The following PDE4D variants were observed in gnomAD, a reference collection of about 807,000 sequenced individuals.
The protein encoded by PDE4D is phosphodiesterase 4D.
A neutral mutation model predicts 87.4 loss-of-function variants in PDE4D; 24 were observed. The ratio of observed to expected loss-of-function variants is 0.27; its 90% CI spans 0.20 to 0.39. The LOEUF is 0.39. Ranked by LOEUF, PDE4D falls within the 10% of genes least tolerant of loss-of-function variation. The probability of loss-of-function intolerance (pLI) is 1.00; values close to 1 mark genes in which losing one functional copy is unlikely to be tolerated. For synonymous variants in PDE4D, 384 were observed against 383.2 expected (o/e 1.00, Z -0.02); for missense variants, 714 against 1,041.0 (o/e 0.69, Z 4.32).
chr5:59,673,914 A>G (rs1580329501), intron 1 of PDE4D, among the ~76,000 whole-genome samples: 2 of 152,316 alleles, frequency 1.3e-5, no homozygotes, highest in East Asian at 3.9e-4. Context: ...CGAAATAAAT[A>G]TCTTCACATG....
rs531657419 is a variant in PDE4D, at chr5:59,561,755, A to G, written c.455+331413T>C. ...GACCAGCCTGACCAACATGGCAAAAACCCGTCTCTACTAAAAATTCAAAAA... is the reference window on the plus strand; with the variant it reads ...GACCAGCCTGACCAACATGGCAAAAGCCCGTCTCTACTAAAAATTCAAAAA... On this transcript the variant is annotated intron_variant, in intron 1 of 14. Coordinates refer to ENST00000340635, the MANE Select transcript of PDE4D (RefSeq NM_001104631.2). Among the ~76,000 whole-genome samples the G allele has an allele frequency of 4.0e-5, 6 of 151,840 alleles. No individual in the cohort carries two copies. The South Asian group carries it at 1.3e-3, about 32-fold the overall frequency.
chr5:60,062,535 T>A (rs1276566489), intron 2 of PDE4D, among the ~76,000 whole-genome samples: 1 of 152,136 alleles, frequency 6.6e-6, no homozygotes, highest in African/African-American at 2.4e-5. Flanking sequence ...GAACCAGAAA[T>A]ACCATTTGAC....
intron 1 of PDE4D, among the ~76,000 whole-genome samples, chr5:60,228,874 C>T (rs950543426): frequency 1.3e-5 from 2 of 151,952 alleles, no homozygotes; most frequent in Non-Finnish European, 2.9e-5. Flanking sequence ...TAAATACAGC[C>T]GTGAGTGACT....
At chr5:60,019,013 A>C (rs974135831) in intron 2 of PDE4D, among the ~76,000 whole-genome samples, 2 of 152,132 alleles carry the variant, frequency 1.3e-5, no homozygotes, top group Non-Finnish European at 2.9e-5. Flanking sequence ...CTCTCCACCC[A>C]AAAACAATAG....
At chr5:59,798,855 T>C (rs911287673) in intron 1 of PDE4D, among the ~76,000 whole-genome samples, 5 of 152,114 alleles carry the variant, frequency 3.3e-5, no homozygotes, top group African/African-American at 9.6e-5. Flanking sequence ...CTCTGTGGTA[T>C]GGAAAAAAGA....
intron 1 of PDE4D, among the ~76,000 whole-genome samples, chr5:59,291,437 C>A (rs1175551409): frequency 6.6e-6 from 1 of 151,454 alleles, no homozygotes; most frequent in East Asian, 1.9e-4. Context: ...GGTAGGGTAG[C>A]GTGGAGGGAA....
chr5:60,013,420 C>T (rs1582176013), intron 2 of PDE4D, among the ~76,000 whole-genome samples: 2 of 152,256 alleles, frequency 1.3e-5, no homozygotes, highest in East Asian at 3.9e-4. Flanking sequence ...GCCAAGTACA[C>T]CATTAAAACA....
At chr5:59,864,510 C>A (rs1276682656) in intron 1 of PDE4D, among the ~76,000 whole-genome samples, 4 of 152,192 alleles carry the variant, frequency 2.6e-5, no homozygotes, top group Non-Finnish European at 4.4e-5. Flanking sequence ...CCTTTACCCT[C>A]TCACCAATAA....
At chr5:59,055,585 T>C (rs1762217182) in intron 5 of PDE4D, among the ~76,000 whole-genome samples, 1 of 152,156 alleles carries the variant, frequency 6.6e-6, no homozygotes, top group Non-Finnish European at 1.5e-5. Flanking sequence ...CCTTTTTCCC[T>C]CTTTCCCTCC....
intron 1 of PDE4D, among the ~76,000 whole-genome samples, chr5:60,260,624 T>C (rs1749551339): frequency 1.3e-5 from 2 of 152,058 alleles, no homozygotes; most frequent in Admixed American, 1.3e-4. Context: ...CCTAAGGCGG[T>C]CATGTTCTCT....
chr5:59,029,010 G>A (rs1756769992), intron 6 of PDE4D, among the ~76,000 whole-genome samples: 1 of 152,118 alleles, frequency 6.6e-6, no homozygotes, highest in African/African-American at 2.4e-5. Flanking sequence ...GCACTTGGGT[G>A]AGTATTTAGA....
At chr5:59,761,355 T>G (rs765548650) in intron 1 of PDE4D, among the ~76,000 whole-genome samples, 5 of 152,146 alleles carry the variant, frequency 3.3e-5, no homozygotes, top group Non-Finnish European at 7.4e-5. Context: ...AGGCTACACT[T>G]AATTTATAAA....
At chr5:59,989,087 C>CATATATATATATAT (rs541522751) in intron 2 of PDE4D, among the ~76,000 whole-genome samples, 369 of 99,964 alleles carry the variant, frequency 3.7e-3, no homozygotes, top group Non-Finnish European at 4.4e-3. Flanking sequence ...ATGCATGTGT[C>CATATATATATATAT]ATATATATAT....
chr5:59,393,128 AAG>A lies in PDE4D; in HGVS notation c.456-177162_456-177161del, dbSNP rs545445941. On this transcript the variant is annotated intron_variant, in intron 1 of 14. Transcript: ENST00000340635. Reference sequence around the variant, plus strand: ...TTCTGATGTAAAAGGGAACTCAGGAAAGAGTCAACCTAGGACAAAAATCAAAA... The same window carrying A: ...TTCTGATGTAAAAGGGAACTCAGGAAAGTCAACCTAGGACAAAAATCAAAA... Among the ~76,000 whole-genome samples, 125 of 152,328 alleles carry A rather than the reference AAG, an allele frequency of 8.2e-4. 3 individuals are homozygous for A. The South Asian group carries it at 0.015, about 18-fold the overall frequency.
At chr5:58,987,170 C>A (rs191378944) in intron 11 of PDE4D, among the ~76,000 whole-genome samples, 4 of 151,990 alleles carry the variant, frequency 2.6e-5, no homozygotes, top group Non-Finnish European at 5.9e-5. Context: ...CCCACTGATA[C>A]CTCCCCACTG....
chr5:59,810,006 A>G (rs1768165775), intron 1 of PDE4D, among the ~76,000 whole-genome samples: 1 of 152,260 alleles, frequency 6.6e-6, no homozygotes. Context: ...GCGACTTCTC[A>G]TAAGTCACGT....
At chr5:59,936,206 T>C (rs1033205359) in intron 3 of PDE4D, among the ~76,000 whole-genome samples, 2 of 151,756 alleles carry the variant, frequency 1.3e-5, no homozygotes, top group Non-Finnish European at 2.9e-5. Flanking sequence ...CACCGGGGCC[T>C]GTTGTGGGGT....
At chr5:59,680,810 T>C (rs1225925505) in intron 1 of PDE4D, among the ~76,000 whole-genome samples, 4 of 152,202 alleles carry the variant, frequency 2.6e-5, no homozygotes, top group African/African-American at 9.6e-5. Flanking sequence ...GAGCCAGGCT[T>C]CTCACCGTAA....
At chr5:60,246,179 T>C (rs1278586469) in intron 1 of PDE4D, among the ~76,000 whole-genome samples, 1 of 151,940 alleles carries the variant, frequency 6.6e-6, no homozygotes, top group East Asian at 1.9e-4. Flanking sequence ...CTTTCATTGC[T>C]TCTCATACAA....
Sources: gnomAD v4.1 joint callset for allele counts (sites outside exome capture counted in the v4.1 genomes callset) on GRCh38, gnomAD v4.1.1 for gene constraint, MANE v1.5 for transcripts, NCBI Gene and HGNC (gene_info 2026-07-23, HGNC 2026-07-21) for gene names.